The following MTMR10 variants were observed in gnomAD, a reference collection of about 807,000 sequenced individuals.
MTMR10 encodes myotubularin-related protein 10.
A neutral mutation model predicts 88.1 loss-of-function variants in MTMR10; 56 were observed. The observed-to-expected ratio is 0.64, with a 90% CI of 0.51 to 0.79. The LOEUF (loss-of-function observed/expected upper bound fraction) is 0.79, where lower values mean the gene tolerates loss of function less well. Among genes scored for constraint, MTMR10 ranks in the 30% least tolerant of loss-of-function variants. The pLI is 0.00. For synonymous variants in MTMR10, 380 were observed against 340.9 expected (o/e 1.11, Z -1.26); for missense variants, 883 against 924.7 (o/e 0.95, Z 0.58).
At chr15:30,959,237 G>A (rs1477307415) in intron 7 of MTMR10, 116 bp from the exon 8 acceptor site, 25 of 901,074 alleles carry the variant, frequency 2.8e-5, no homozygotes, top group Non-Finnish European at 3.5e-5. Context: ...ACCCCACTTA[G>A]TAGCCACATG....
downstream of MTMR10, chr15:30,937,358 T>G (rs1832208329): frequency 2.6e-6 from 3 of 1,142,864 alleles, no homozygotes; most frequent in Admixed American, 5.0e-5. Flanking sequence ...ATAAACCTGA[T>G]AGTTTGACTT....
In MTMR10 at chr15:30,948,469, C is replaced by T; in HGVS notation, c.1210G>A (p.Glu404Lys). Residue 404 changes from glutamate (E) to lysine (K), a missense_variant and splice_region_variant, in exon 13 of 16, where the codon GAG (glutamate) becomes AAG (lysine). By Grantham distance (56) the Glu-to-Lys change is moderately conservative. Around this residue, in one of 3 missense-constraint regions of MTMR10, gnomAD observed 126 missense variants for 178.2 expected, o/e 0.71. Coordinates refer to ENST00000435680, the MANE Select transcript of MTMR10 (RefSeq NM_017762.3). Reference protein sequence around the residue: ...SKHLSVVLQEEEGRDLSCCVA... With the variant: ...SKHLSVVLQEKEGRDLSCCVA... ...CAACAGCTCAAGTCTCTTCCTTCCT[C>T]CTCTGTTAATAAAATGGAAAGAAAA... 6.2e-7 allele frequency: 1 copy of T among 1,600,628 alleles called. No homozygotes were observed. The highest frequency in any genetic ancestry group is 8.5e-7 in the Non-Finnish European group (1 of 1,173,228).
the MTMR10 span, among the ~76,000 whole-genome samples, chr15:30,929,624 T>C: frequency 0.015 from 1,937 of 126,308 alleles, 29 homozygotes; most frequent in South Asian, 0.023. Flanking sequence ...TAATATATAT[T>C]ATATATTATA....
intron 9 of MTMR10, among the ~76,000 whole-genome samples, chr15:30,955,282 T>C (rs1028432216): frequency 3.9e-5 from 6 of 152,238 alleles, no homozygotes; most frequent in Non-Finnish European, 7.3e-5. Context: ...TCCTTCTTTT[T>C]CTTTTTGAGA....
chr15:30,969,704 C>A (rs1311719255), intron 5 of MTMR10, among the ~76,000 whole-genome samples: 1 of 152,156 alleles, frequency 6.6e-6, no homozygotes, highest in East Asian at 1.9e-4. Flanking sequence ...CAGACATCTG[C>A]ATAACAAATT....
Position 30,958,935 on chromosome 15 carries a change from T to C in MTMR10, c.863A>G (p.His288Arg). ...TCGCACAAGAGCACTGCCGTTAGAG[T>C]GGCTCCAGCACCAGAGCTAGGGGAG... is the stretch of plus-strand genomic sequence containing the variant. Reference protein sequence around the residue: ...GRRMPLWCWSHSNGSALVRMA... With the variant: ...GRRMPLWCWSRSNGSALVRMA... Residue 288 changes from histidine (H) to arginine (R), a missense_variant, in exon 9 of 16, where the codon CAC becomes CGC. Physicochemically the swap from His to Arg is conservative, Grantham distance 29 (BLOSUM62 0). Transcript: ENST00000435680. The C allele has an allele frequency of 6.2e-7, 1 of 1,613,908 alleles. No individual in the cohort carries two copies. The highest frequency in any genetic ancestry group is 2.2e-5 in the East Asian group (1 of 44,876).
rs776416239 is a variant in MTMR10 at position 30,991,515 on chromosome 15, C to T, written c.-9G>A. 1.3e-6 allele frequency: 2 copies of T among 1,532,124 alleles called. No individual in the cohort carries two copies. The highest frequency in any genetic ancestry group is 2.7e-5 in the East Asian group (1 of 37,092). 94.9% of individuals were successfully genotyped at this position (1,532,124 alleles called of 1,614,324 possible). ...GGCTTGAGGGAGAACATGGTGCCGC[C>T]GCCTTTTCGCCCCGTTCCCGTCGCG... On this transcript the variant is annotated 5_prime_UTR_variant, in exon 1 of 16. Coordinates refer to ENST00000435680, the MANE Select transcript of MTMR10 (RefSeq NM_017762.3).
chr15:30,955,334 C>A (rs1416231045), intron 9 of MTMR10, among the ~76,000 whole-genome samples: 1 of 152,106 alleles, frequency 6.6e-6, no homozygotes, highest in African/African-American at 2.4e-5. Context: ...GCAGTGGCAC[C>A]ATCTCGGCTC....
chr15:30,975,118 G>A lies in MTMR10; in HGVS notation c.259-115C>T, dbSNP rs1007671478. 15 of 783,026 alleles carry A rather than the reference G, an allele frequency of 1.9e-5. No individual in the cohort carries two copies. The Admixed American group carries it at 3.6e-4, about 19-fold the overall frequency. The allele number at this position is 783,026 out of a possible 1,614,324, so 48.5% of individuals were successfully genotyped here. A position where few individuals can be genotyped will look rare whatever the true frequency, so the allele number is the denominator to read the frequency against. On this transcript the variant is annotated intron_variant, in intron 3 of 15. Transcript: ENST00000435680. Reference sequence around the variant, plus strand: ...CAGTTATCTCTAAAAAGCACAAAAAGCTTTTGTCTAGGTAGCTAGGGCCAT... The same window carrying A: ...CAGTTATCTCTAAAAAGCACAAAAAACTTTTGTCTAGGTAGCTAGGGCCAT...
intron 2 of MTMR10, among the ~76,000 whole-genome samples, chr15:30,986,327 C>T (rs1297045706): frequency 6.6e-6 from 1 of 151,300 alleles, no homozygotes; most frequent in Non-Finnish European, 1.5e-5. Context: ...AAAACACAAA[C>T]AAAAAAATGG....
the MTMR10 span, among the ~76,000 whole-genome samples, chr15:30,919,488 C>T: frequency 0.052 from 7,786 of 150,628 alleles, 317 homozygotes; most frequent in Admixed American, 0.13. Context: ...GTCAGGAGTT[C>T]GAGACTAGCC....
chr15:30,919,601 A>G, the MTMR10 span, among the ~76,000 whole-genome samples: 1 of 151,732 alleles, frequency 6.6e-6, no homozygotes, highest in Non-Finnish European at 1.5e-5. Flanking sequence ...AGGCAGGAGA[A>G]TCACATGAAC....
At chr15:30,927,007 G>T in the MTMR10 span, 4 of 985,306 alleles carry the variant, frequency 4.1e-6, no homozygotes, top group African/African-American at 7.0e-5. Context: ...GCACAGCATG[G>T]ACCACTTAGG....
At chr15:30,949,627 GACTT>G (rs1357634652) in intron 12 of MTMR10, 1 of 152,028 alleles carries the variant, frequency 6.6e-6, no homozygotes, top group African/African-American at 2.4e-5. Flanking sequence ...ATAAATATAA[GACTT>G]ACATAATAAA....
rs2062990875 is a variant in MTMR10, at chr15:30,940,167, G to A, written c.*1303C>T. ...AAATTTGAAAGTATCCATGTTTTAA[G>A]CGGGGAATGAGGAGTGTGGGGGAGG... is the stretch of plus-strand genomic sequence containing the variant. On this transcript the variant is annotated 3_prime_UTR_variant, in exon 16 of 16. Transcript: ENST00000435680. 1 of 985,444 alleles carries A rather than the reference G, an allele frequency of 1.0e-6. No homozygotes were observed. The highest frequency in any genetic ancestry group is 1.2e-6 in the Non-Finnish European group (1 of 829,934). The allele number at this position is 985,444 out of a possible 1,614,324, so 61.0% of individuals were successfully genotyped here.
chr15:30,981,068 A>G (rs571170471), intron 2 of MTMR10, among the ~76,000 whole-genome samples: 11 of 152,360 alleles, frequency 7.2e-5, no homozygotes, highest in African/African-American at 2.6e-4. Context: ...TCATAGACTG[A>G]ATGACTGCTG....
At chr15:30,952,440 T>C (rs564850387) in intron 11 of MTMR10, among the ~76,000 whole-genome samples, 27 of 152,316 alleles carry the variant, frequency 1.8e-4, no homozygotes, top group South Asian at 1.7e-3. Flanking sequence ...TCACAGCTCA[T>C]TGTAACCCTG....
At chr15:30,920,735 C>G in the MTMR10 span, 1 of 780,072 alleles carries the variant, frequency 1.3e-6, no homozygotes. Flanking sequence ...GGGCTCTCAG[C>G]ATTTCCTGCT....
At chr15:30,951,617 G>A (rs2140735) in intron 12 of MTMR10, among the ~76,000 whole-genome samples, 104,182 of 151,796 alleles carry the variant, frequency 0.69, 37,161 homozygotes, top group East Asian at 0.87. Flanking sequence ...CTCCTGCCTC[G>A]GCCTCCCGAG....
Sources: allele counts gnomAD v4.1 joint callset (sites outside exome capture counted in the v4.1 genomes callset), GRCh38; gene constraint gnomAD v4.1.1; regional missense constraint gnomAD v4.1.1; transcripts MANE v1.5; gene names NCBI Gene and HGNC (gene_info 2026-07-23, HGNC 2026-07-21).